Variants in GRID1 observed in about 807,000 individuals in gnomAD.
GRID1 encodes the protein glutamate ionotropic receptor delta type subunit 1.
A neutral mutation model predicts 98.0 loss-of-function variants in GRID1; 28 were observed. The observed-to-expected ratio is 0.29, with a 90% CI of 0.21 to 0.39. GRID1 has a LOEUF of 0.39. Ranked by LOEUF, GRID1 falls within the 10% of genes least tolerant of loss-of-function variation. GRID1 has a pLI of 1.00. For synonymous variants in GRID1, 553 were observed against 538.5 expected (o/e 1.03, Z -0.37); for missense variants, 1,111 against 1,340.5 (o/e 0.83, Z 2.67).
chr10:86,226,196 G>A (rs1846341021), intron 2 of GRID1, among the ~76,000 whole-genome samples: 1 of 151,884 alleles, frequency 6.6e-6, no homozygotes, highest in Non-Finnish European at 1.5e-5. Context: ...GACCTACTGG[G>A]GATCCTACCC....
chr10:86,151,139 C>T (rs1318770620), intron 3 of GRID1, among the ~76,000 whole-genome samples: 1 of 152,166 alleles, frequency 6.6e-6, no homozygotes, highest in Non-Finnish European at 1.5e-5. Flanking sequence ...GGGCCTCTGA[C>T]TCCAGAGCCA....
intron 8 of GRID1, among the ~76,000 whole-genome samples, chr10:85,843,400 C>T (rs1842978448): frequency 6.6e-6 from 1 of 151,920 alleles, no homozygotes; most frequent in African/African-American, 2.4e-5. Flanking sequence ...AGACTTGACA[C>T]CAAAATCATG....
chr10:85,781,915 G>C (rs529874818), intron 8 of GRID1, among the ~76,000 whole-genome samples: 1 of 152,086 alleles, frequency 6.6e-6, no homozygotes, highest in African/African-American at 2.4e-5. Flanking sequence ...TTAATCACTA[G>C]GCCCTGACAA....
chr10:86,307,651 T>C (rs1014452323), intron 2 of GRID1, among the ~76,000 whole-genome samples: 42 of 152,182 alleles, frequency 2.8e-4, no homozygotes, highest in Non-Finnish European at 8.8e-5. Context: ...ATGTACTGTA[T>C]ACTTCAAATT....
At chr10:85,880,305 C>T (rs552586726) in intron 5 of GRID1, among the ~76,000 whole-genome samples, 16 of 152,170 alleles carry the variant, frequency 1.1e-4, no homozygotes, top group Admixed American at 1.0e-3. Flanking sequence ...CAAAGCTGGG[C>T]AGAGACACAA....
At chr10:85,800,999 C>T (rs1006599388) in intron 8 of GRID1, among the ~76,000 whole-genome samples, 5 of 151,786 alleles carry the variant, frequency 3.3e-5, no homozygotes, top group African/African-American at 4.8e-5. Context: ...AATAGGCAAA[C>T]CTCTGGGATT....
intron 4 of GRID1, among the ~76,000 whole-genome samples, chr10:86,059,114 G>A (rs1247793335): frequency 6.6e-6 from 1 of 152,186 alleles, no homozygotes; most frequent in East Asian, 1.9e-4. Flanking sequence ...CCTTGAATAA[G>A]TCATGACAAA....
At chr10:86,006,407 T>A (rs1458713448) in intron 4 of GRID1, among the ~76,000 whole-genome samples, 2 of 152,100 alleles carry the variant, frequency 1.3e-5, no homozygotes, top group Non-Finnish European at 2.9e-5. Flanking sequence ...GATCATGAGG[T>A]CAAGAGATCG....
intron 3 of GRID1, among the ~76,000 whole-genome samples, chr10:86,145,551 C>A (rs1845077200): frequency 6.6e-6 from 1 of 151,610 alleles, no homozygotes; most frequent in Non-Finnish European, 1.5e-5. Context: ...TCCACATACA[C>A]ACACACACAC....
intron 4 of GRID1, among the ~76,000 whole-genome samples, chr10:86,097,017 C>T (rs1844230285): frequency 6.6e-6 from 1 of 152,200 alleles, no homozygotes; most frequent in Non-Finnish European, 1.5e-5. Flanking sequence ...AGGGACTGTC[C>T]TTGGGCAACA....
At chr10:85,896,609 G>C (rs971485514) in intron 5 of GRID1, among the ~76,000 whole-genome samples, 1 of 152,212 alleles carries the variant, frequency 6.6e-6, no homozygotes, top group African/African-American at 2.4e-5. Flanking sequence ...AGAAGTAGAC[G>C]TGATGATCAA....
intron 13 of GRID1, among the ~76,000 whole-genome samples, chr10:85,620,309 C>G (rs572067673): frequency 1.3e-5 from 2 of 152,192 alleles, no homozygotes; most frequent in Non-Finnish European, 2.9e-5. Context: ...GGCTCTAAGA[C>G]GAGCTTCCTG....
At chr10:86,278,433 CA>C (rs71016128) in intron 2 of GRID1, among the ~76,000 whole-genome samples, 131,649 of 151,710 alleles carry the variant, frequency 0.87, 57,797 homozygotes, top group Non-Finnish European at 0.91. Context: ...AATATCAAAG[CA>C]AAAAAAATGA....
At chr10:85,637,029 T>C (rs762307281) in intron 13 of GRID1, among the ~76,000 whole-genome samples, 1 of 152,214 alleles carries the variant, frequency 6.6e-6, no homozygotes. Context: ...AATTTTTACA[T>C]CAATTTACAT....
intron 13 of GRID1, among the ~76,000 whole-genome samples, chr10:85,624,797 T>C (rs190607532): frequency 1.2e-3 from 187 of 152,288 alleles, no homozygotes; most frequent in African/African-American, 4.2e-3. Flanking sequence ...CTTTCACCTT[T>C]GCAAGTTGGG....
At chr10:86,003,569 C>T (rs1040682908) in intron 4 of GRID1, among the ~76,000 whole-genome samples, 4 of 152,184 alleles carry the variant, frequency 2.6e-5, no homozygotes, top group African/African-American at 9.7e-5. Flanking sequence ...GGCAGCCACT[C>T]GTGGAGCCCA....
At chr10:86,119,957 A>ATT (rs996067642) in intron 4 of GRID1, among the ~76,000 whole-genome samples, 253 of 149,836 alleles carry the variant, frequency 1.7e-3, no homozygotes, top group African/African-American at 5.8e-3. Context: ...TGCCCGGCTA[A>ATT]TTTTTTTTTT....
At chr10:86,251,937 G>C (rs148798590) in intron 2 of GRID1, among the ~76,000 whole-genome samples, 222 of 152,324 alleles carry the variant, frequency 1.5e-3, no homozygotes, top group African/African-American at 4.8e-3. Context: ...GCCTAAAGGA[G>C]TCATCTGCAG....
chr10:85,714,307 C>T (rs1841614345), intron 12 of GRID1, among the ~76,000 whole-genome samples: 1 of 151,926 alleles, frequency 6.6e-6, no homozygotes, highest in Non-Finnish European at 1.5e-5. Context: ...CTATCAAGTA[C>T]TATGTTTATC....
Sources: allele counts gnomAD v4.1 joint callset (sites outside exome capture counted in the v4.1 genomes callset), GRCh38; gene constraint gnomAD v4.1.1; transcripts MANE v1.5; gene names NCBI Gene and HGNC (gene_info 2026-07-23, HGNC 2026-07-21).